The following HS3ST4 variants were observed in gnomAD, a reference collection of about 807,000 sequenced individuals.
HS3ST4 encodes the protein heparan sulfate glucosamine 3-O-sulfotransferase 4.
A neutral mutation model predicts 29.2 loss-of-function variants in HS3ST4; 17 were observed. The observed-to-expected ratio is 0.58, with a 90% CI of 0.40 to 0.87. The LOEUF (loss-of-function observed/expected upper bound fraction) is 0.87. Among genes scored for constraint, HS3ST4 ranks in the 40% least tolerant of loss-of-function variants. The pLI is 0.00. For synonymous variants in HS3ST4, 314 were observed against 285.7 expected (o/e 1.10, Z -1.00); for missense variants, 627 against 634.5 (o/e 0.99, Z 0.13).
intron 1 of HS3ST4, among the ~76,000 whole-genome samples, chr16:25,819,401 C>T (rs1596580662): frequency 6.6e-6 from 1 of 152,138 alleles, no homozygotes; most frequent in African/African-American, 2.4e-5. Context: ...GACTGGTCTG[C>T]AGAAAGGCAG....
At chr16:26,098,809 G>A (rs1474765194) in intron 1 of HS3ST4, among the ~76,000 whole-genome samples, 1 of 152,096 alleles carries the variant, frequency 6.6e-6, no homozygotes, top group Non-Finnish European at 1.5e-5. Flanking sequence ...GTGCAGGGGG[G>A]TAGATGTATG....
chr16:25,703,003 A>G (rs558333888), intron 1 of HS3ST4, among the ~76,000 whole-genome samples: 157 of 152,220 alleles, frequency 1.0e-3, no homozygotes, highest in Non-Finnish European at 1.5e-3. Context: ...TACTAAAAAT[A>G]CAAAAATTAG....
chr16:25,866,855 TA>T, intron 1 of HS3ST4, among the ~76,000 whole-genome samples: 1 of 152,308 alleles, frequency 6.6e-6, no homozygotes, highest in South Asian at 2.1e-4. Flanking sequence ...GCCTATTTTT[TA>T]AAAAGACAGC....
rs1371928058 is a variant in HS3ST4, at chr16:25,828,242, C to CTTTTTCTGTCTTTCTTTCTTTCTTTCTT, written c.734+135092_734+135093insTTTTCTGTCTTTCTTTCTTTCTTTCTTT. ...CTTTCCTTTCTTTCTTTCTTTCTTT[C>CTTTTTCTGTCTTTCTTTCTTTCTTTCTT]TCTTTCTTTCTTTCTTTCTTTCTTT... On this transcript the variant is annotated intron_variant, in intron 1 of 1. Coordinates refer to ENST00000331351, the MANE Select transcript of HS3ST4 (RefSeq NM_006040.3). Among the ~76,000 whole-genome samples, 64 of 75,028 alleles carry CTTTTTCTGTCTTTCTTTCTTTCTTTCTT rather than the reference C, an allele frequency of 8.5e-4. 4 individuals are homozygous for CTTTTTCTGTCTTTCTTTCTTTCTTTCTT. Among genetic ancestry groups the CTTTTTCTGTCTTTCTTTCTTTCTTTCTT allele is most frequent in the African/African-American group, 1.6e-3 (28 of 17,284 alleles). The allele number at this position is 75,028 out of a possible 152,430, so 49.2% of individuals were successfully genotyped here.
chr16:25,866,399 C>A (rs887127485), intron 1 of HS3ST4, among the ~76,000 whole-genome samples: 14 of 152,106 alleles, frequency 9.2e-5, no homozygotes, highest in Non-Finnish European at 1.6e-4. Flanking sequence ...AGACTTGGAA[C>A]CAACCCAAAA....
intron 1 of HS3ST4, among the ~76,000 whole-genome samples, chr16:26,052,863 C>T (rs141222708): frequency 3.2e-4 from 49 of 152,302 alleles, no homozygotes; most frequent in African/African-American, 1.1e-3. Flanking sequence ...ATGTGGGGAC[C>T]TTTATCTCTG....
At chr16:26,016,665 A>C (rs1240768351) in intron 1 of HS3ST4, among the ~76,000 whole-genome samples, 1 of 152,200 alleles carries the variant, frequency 6.6e-6, no homozygotes, top group African/African-American at 2.4e-5. Context: ...AGATATAGCA[A>C]GTCTTCTTTA....
intron 1 of HS3ST4, among the ~76,000 whole-genome samples, chr16:26,059,745 G>A (rs898298889): frequency 6.6e-6 from 1 of 151,964 alleles, no homozygotes; most frequent in Non-Finnish European, 1.5e-5. Context: ...TCTTTCAAAC[G>A]CGCTAGTATT....
At chr16:25,988,480 C>A (rs1485841328) in intron 1 of HS3ST4, among the ~76,000 whole-genome samples, 1 of 152,222 alleles carries the variant, frequency 6.6e-6, no homozygotes, top group African/African-American at 2.4e-5. Context: ...GTGACCTCAC[C>A]TGGGCTGTGT....
chr16:25,817,231 A>T (rs1234322540), intron 1 of HS3ST4, among the ~76,000 whole-genome samples: 1 of 152,114 alleles, frequency 6.6e-6, no homozygotes, highest in Non-Finnish European at 1.5e-5. Flanking sequence ...AAAATGAGAG[A>T]TGCTTGCAAA....
At chr16:25,931,997 G>A (rs1187435791) in intron 1 of HS3ST4, among the ~76,000 whole-genome samples, 1 of 152,122 alleles carries the variant, frequency 6.6e-6, no homozygotes, top group Non-Finnish European at 1.5e-5. Context: ...TTTTTTTAAA[G>A]GGAAGGAGCA....
At chr16:25,861,048 C>G (rs776476265) in intron 1 of HS3ST4, among the ~76,000 whole-genome samples, 13 of 152,144 alleles carry the variant, frequency 8.5e-5, no homozygotes, top group Non-Finnish European at 1.2e-4. Flanking sequence ...AAAGTAAAGT[C>G]TTAAAAACAA....
At position 25,997,473 on chromosome 16, in the gene HS3ST4, G is replaced by C. The variant is rs11862119; in HGVS notation, c.735-138139G>C. Among the ~76,000 whole-genome samples the C allele has an allele frequency of 2.0e-5, 3 of 152,276 alleles. No individual in the cohort carries two copies. The South Asian group carries it at 6.2e-4, about 32-fold the overall frequency. ...ATTTATAGATTCACGTAACTGAAAA[G>C]TTCAGACTGACTTCAGGAAAGACTG... On this transcript the variant is annotated intron_variant, in intron 1 of 1. Coordinates refer to ENST00000331351, the MANE Select transcript of HS3ST4 (RefSeq NM_006040.3).
chr16:25,834,910 G>A (rs915277460), intron 1 of HS3ST4, among the ~76,000 whole-genome samples: 1 of 152,094 alleles, frequency 6.6e-6, no homozygotes, highest in African/African-American at 2.4e-5. Context: ...TCGCACCACT[G>A]CACTCCAGCC....
At chr16:25,812,116 C>T (rs1340213615) in intron 1 of HS3ST4, among the ~76,000 whole-genome samples, 1 of 152,204 alleles carries the variant, frequency 6.6e-6, no homozygotes, top group African/African-American at 2.4e-5. Flanking sequence ...ATATGAATCA[C>T]ATGAGATATT....
At position 25,805,192 on chromosome 16, in the gene HS3ST4, C is replaced by T. The variant is rs1004008519; in HGVS notation, c.734+112041C>T. Among the ~76,000 whole-genome samples the T allele has an allele frequency of 3.9e-5, 6 of 152,256 alleles. No homozygotes were observed. In the East Asian group the frequency reaches 5.8e-4, roughly 15 times the overall value. ...AAAAAGGATTATAATCCCAGATGCA[C>T]GGCTGTAGCAAGCCACAGATACACT... On this transcript the variant is annotated intron_variant, in intron 1 of 1. Transcript: ENST00000331351.
At chr16:25,957,971 C>T (rs116877099) in intron 1 of HS3ST4, among the ~76,000 whole-genome samples, 1 of 152,062 alleles carries the variant, frequency 6.6e-6, no homozygotes, top group Non-Finnish European at 1.5e-5. Flanking sequence ...ACACTACTCT[C>T]CAGCCAGGAA....
intron 1 of HS3ST4, among the ~76,000 whole-genome samples, chr16:26,012,890 C>T (rs895732867): frequency 3.3e-5 from 5 of 152,254 alleles, no homozygotes; most frequent in South Asian, 2.1e-4. Flanking sequence ...TGAGGCCAGG[C>T]GCAGTGGCTC....
At chr16:26,074,633 G>T (rs1331390247) in intron 1 of HS3ST4, among the ~76,000 whole-genome samples, 5 of 152,096 alleles carry the variant, frequency 3.3e-5, no homozygotes, top group Admixed American at 6.5e-5. Context: ...TTTATTTGCT[G>T]AATATTTTCC....
Sources: allele counts gnomAD v4.1 joint callset (sites outside exome capture counted in the v4.1 genomes callset), GRCh38; gene constraint gnomAD v4.1.1; transcripts MANE v1.5; gene names NCBI Gene and HGNC (gene_info 2026-07-23, HGNC 2026-07-21).